Variants in OSBPL5 observed in about 807,000 individuals in gnomAD.
The protein encoded by OSBPL5 is oxysterol-binding protein-related protein 5.
In OSBPL5, 71 loss-of-function variants were observed where a neutral mutation model predicts 111.2. The ratio of observed to expected loss-of-function variants is 0.64; its 90% CI spans 0.53 to 0.78. OSBPL5 has a LOEUF of 0.78. Ranked by LOEUF, OSBPL5 falls within the 30% of genes least tolerant of loss-of-function variation. OSBPL5 has a pLI of 0.00. For synonymous variants in OSBPL5, 549 were observed against 513.9 expected (o/e 1.07, Z -0.93); for missense variants, 1,210 against 1,189.3 (o/e 1.02, Z -0.26).
At chr11:3,089,018 C>T (rs1390236136) in intron 21 of OSBPL5, among the ~76,000 whole-genome samples, 1 of 152,226 alleles carries the variant, frequency 6.6e-6, no homozygotes, top group East Asian at 1.9e-4. Flanking sequence ...AGGCGGTATC[C>T]AGTTTGCTGC....
chr11:3,119,210 C>T (rs1228305521), intron 7 of OSBPL5, among the ~76,000 whole-genome samples: 1 of 151,666 alleles, frequency 6.6e-6, no homozygotes, highest in Non-Finnish European at 1.5e-5. Flanking sequence ...GGGGTTTCAC[C>T]ATGTTGGCCA....
Position 3,104,403 on chromosome 11 carries a change from C to A in OSBPL5, c.1060-26G>T. ...CTGCAGCAGACAGGCTGCAGTCAGG[C>A]CCTGCCCGGAAGAGCCGGGAGGAAG... On this transcript the variant is annotated intron_variant, in intron 9 of 21. Coordinates refer to ENST00000263650, the MANE Select transcript of OSBPL5 (RefSeq NM_020896.4). The surrounding 1 kb of genome is among the most constrained non-coding windows in gnomAD (Gnocchi z 5.0). The A allele has an allele frequency of 6.2e-7, 1 of 1,600,182 alleles. No individual in the cohort carries two copies. The highest frequency in any genetic ancestry group is 8.5e-7 in the Non-Finnish European group (1 of 1,178,394).
At chr11:3,101,055 ACCTCCACC>A (rs1190484850) in intron 13 of OSBPL5, among the ~76,000 whole-genome samples, 1 of 148,452 alleles carries the variant, frequency 6.7e-6, no homozygotes, top group African/African-American at 2.5e-5. Flanking sequence ...GCTCACTGCA[ACCTCCACC>A]TCCCGGGTTC....
intron 21 of OSBPL5, among the ~76,000 whole-genome samples, chr11:3,089,430 C>A (rs1856982861): frequency 6.6e-6 from 1 of 152,332 alleles, no homozygotes; most frequent in East Asian, 1.9e-4. Flanking sequence ...CTCTCGGCCA[C>A]TCCCATTTGC....
chr11:3,158,602 CAT>C (rs1024321315), intron 1 of OSBPL5, among the ~76,000 whole-genome samples: 14 of 152,250 alleles, frequency 9.2e-5, no homozygotes, highest in African/African-American at 2.9e-4. Flanking sequence ...ATCAGTGACA[CAT>C]GAGACCTCTT....
rs562068083 is a variant in OSBPL5 at position 3,128,948 on chromosome 11, G to A, written c.136+65C>T. On this transcript the variant is annotated intron_variant, in intron 2 of 21. Transcript: ENST00000263650. Reference sequence around the variant, plus strand: ...TCAAGGGGCACAGAGGGGTTGGGCCGCCCGGGGTCACCCCACCGGGCCCAA... The same window carrying A: ...TCAAGGGGCACAGAGGGGTTGGGCCACCCGGGGTCACCCCACCGGGCCCAA... 7.2e-4 allele frequency: 998 copies of A among 1,386,620 alleles called. 6 individuals carry two copies. In the African/African-American group the frequency reaches 0.013, roughly 17 times the overall value. 85.9% of individuals were successfully genotyped at this position (1,386,620 alleles called of 1,614,324 possible).
chr11:3,112,478 CTTT>C (rs559601032), intron 7 of OSBPL5, among the ~76,000 whole-genome samples: 27 of 108,780 alleles, frequency 2.5e-4, no homozygotes, highest in Middle Eastern at 5.1e-3. Flanking sequence ...GTTTTCTTTT[CTTT>C]TTTTTTTTTT....
chr11:3,119,659 C>T, intron 6 of OSBPL5, 28 bp from the exon 7 acceptor site: 1 of 1,571,018 alleles, frequency 6.4e-7, no homozygotes, highest in Non-Finnish European at 8.6e-7. Context: ...TGGGTGTCAC[C>T]CGAGGCAACA....
chr11:3,131,861 C>CCATCCATCCTCCTGTCCATT, intron 1 of OSBPL5, among the ~76,000 whole-genome samples: 2 of 105,526 alleles, frequency 1.9e-5, no homozygotes, highest in Non-Finnish European at 4.3e-5. Flanking sequence ...ACCAAACCAT[C>CCATCCATCCTCCTGTCCATT]CATCCATCCA....
rs987045376 is a variant in OSBPL5, at chr11:3,140,069, T to C, written c.-21-10900A>G. 1.2e-4 allele frequency among the ~76,000 whole-genome samples: 18 copies of C among 152,094 alleles called. No individual in the cohort carries two copies. The highest frequency in any genetic ancestry group is 6.8e-3 in the Middle Eastern group (2 of 294). On this transcript the variant is annotated intron_variant, in intron 1 of 21. Coordinates refer to ENST00000263650, the MANE Select transcript of OSBPL5 (RefSeq NM_020896.4). The surrounding 1 kb of genome is among the most constrained non-coding windows in gnomAD (Gnocchi z 4.5). ...TCGGCTGTGCAGCCTGGGAGGGGGG[T>C]GTGCAGTGGTCCGCCAAGCAGCACC... is the stretch of plus-strand genomic sequence containing the variant.
chr11:3,129,141 T>C lies in OSBPL5; in HGVS notation c.8A>G (p.Glu3Gly). 6.8e-7 allele frequency: 1 copy of C among 1,460,066 alleles called. No individual in the cohort carries two copies. Among genetic ancestry groups the C allele is most frequent in the Non-Finnish European group, 9.1e-7 (1 of 1,099,422 alleles). 90.4% of individuals were successfully genotyped at this position (1,460,066 alleles called of 1,614,324 possible). ...GAAGCGGCGCCGGAGGAAGGCCTCC[T>C]CCTTCATGCTGTGGGCGCTCGGGGG... MKEEAFLRRRFSL... is the reference protein window; with the variant it reads MKGEAFLRRRFSL... The change falls in exon 2 of 22, where the codon GAG (glutamate) becomes GGG (glycine). Residue 3 changes from glutamate (E) to glycine (G), a missense_variant. Physicochemically the swap from Glu to Gly is moderately conservative, Grantham distance 98. Transcript: ENST00000263650.
At chr11:3,111,226 CT>C (rs1374971883) in intron 7 of OSBPL5, among the ~76,000 whole-genome samples, 1 of 145,304 alleles carries the variant, frequency 6.9e-6, no homozygotes, top group Non-Finnish European at 1.5e-5. Flanking sequence ...TGTTTTACAA[CT>C]TCTCTTTTTG....
intron 1 of OSBPL5, among the ~76,000 whole-genome samples, chr11:3,139,815 C>A (rs1427925562): frequency 6.6e-6 from 1 of 152,250 alleles, no homozygotes. Flanking sequence ...CTGCTGGAGT[C>A]CCCGAGGCCC....
intron 7 of OSBPL5, among the ~76,000 whole-genome samples, chr11:3,118,898 G>C (rs187930523): frequency 6.2e-4 from 94 of 151,920 alleles, no homozygotes; most frequent in African/African-American, 2.2e-3. Context: ...AATTAACTGA[G>C]ACCTGTCTCA....
At position 3,105,883 on chromosome 11, in the gene OSBPL5, G is replaced by A. The variant is rs537395868; in HGVS notation, c.1059+1380C>T. Among the ~76,000 whole-genome samples, 2 of 152,262 alleles carry A rather than the reference G, an allele frequency of 1.3e-5. No homozygotes were observed. Among genetic ancestry groups the A allele is most frequent in the Admixed American group, 1.3e-4 (2 of 15,294 alleles). ...CTGAGATCTACCCAATCCAACTTCC[G>A]AAATACCCTGAGTCTGCCCACTTCT... On this transcript the variant is annotated intron_variant, in intron 9 of 21. Coordinates refer to ENST00000263650, the MANE Select transcript of OSBPL5 (RefSeq NM_020896.4). The surrounding 1 kb of genome is among the most constrained non-coding windows in gnomAD (Gnocchi z 5.2).
At chr11:3,115,139 T>G (rs976118700) in intron 7 of OSBPL5, among the ~76,000 whole-genome samples, 1 of 152,214 alleles carries the variant, frequency 6.6e-6, no homozygotes, top group African/African-American at 2.4e-5. Context: ...CAATGTTTTC[T>G]TAAAGAAAAT....
chr11:3,120,653 C>A (rs77244861), intron 5 of OSBPL5, 29 bp from the exon 6 acceptor site: 40,996 of 1,606,032 alleles, frequency 0.026, 605 homozygotes, highest in Non-Finnish European at 0.028. Context: ...CGTCGATGCC[C>A]ACCCTCTGGG....
intron 21 of OSBPL5, among the ~76,000 whole-genome samples, chr11:3,089,404 G>T (rs1856981209): frequency 6.6e-6 from 1 of 152,172 alleles, no homozygotes; most frequent in Non-Finnish European, 1.5e-5. Context: ...TGGCCCTGGT[G>T]GCCTGCACCT....
chr11:3,120,467 C>T lies in OSBPL5; in HGVS notation c.560G>A (p.Cys187Tyr). The change falls in exon 6 of 22, where the codon TGC becomes TAC. Residue 187 changes from cysteine (C) to tyrosine (Y), a missense_variant. By Grantham distance (194) the Cys-to-Tyr change is radical. Transcript: ENST00000263650. ...IERPSKKDGFCFKLFHPLDQS... is the reference protein window; with the variant it reads ...IERPSKKDGFYFKLFHPLDQS... The stretch of plus-strand genomic sequence containing the variant: ...ATCCAGCGGGTGGAAGAGCTTGAAG[C>T]AGAAGCCGTCCTTCTTGGAGGGCCG... 6.2e-7 allele frequency: 1 copy of T among 1,613,310 alleles called. No homozygotes were observed. Among genetic ancestry groups the T allele is most frequent in the Admixed American group, 1.7e-5 (1 of 60,026 alleles).
Sources: allele counts gnomAD v4.1 joint callset (sites outside exome capture counted in the v4.1 genomes callset), GRCh38; gene constraint gnomAD v4.1.1; non-coding constraint Gnocchi (gnomAD v3.1); transcripts MANE v1.5; gene names NCBI Gene and HGNC (gene_info 2026-07-23, HGNC 2026-07-21).